DDX51: variants seen among roughly 807,000 people sequenced by gnomAD.
The protein encoded by DDX51 is DEAD-box helicase 51.
In DDX51, 67 loss-of-function variants were observed where a neutral mutation model predicts 74.6. The observed-to-expected ratio is 0.90, with a 90% confidence interval of 0.74 to 1.10. The LOEUF (loss-of-function observed/expected upper bound fraction) is 1.10. Among genes scored for constraint, DDX51 ranks in the 50% least tolerant of loss-of-function variants. The pLI, the probability that DDX51 is intolerant of heterozygous loss-of-function variation, is 0.00. For synonymous variants in DDX51, 545 were observed against 402.9 expected (o/e 1.35, Z -4.22); for missense variants, 1,056 against 905.2 (o/e 1.17, Z -2.14).
At chr12:132,142,496 T>A in intron 3 of DDX51, 74 bp from the exon 4 acceptor site, 1 of 1,562,072 alleles carries the variant, frequency 6.4e-7, no homozygotes. Flanking sequence ...GCCTGTGACC[T>A]CTGGGCTGGG....
At position 132,140,478 on chromosome 12, in the gene DDX51, C is replaced by G. The variant is rs544382267; in HGVS notation, c.1618G>C (p.Gly540Arg). The G allele has an allele frequency of 1.2e-6, 2 of 1,613,224 alleles. No individual in the cohort carries two copies. Among genetic ancestry groups the G allele is most frequent in the Non-Finnish European group, 1.7e-6 (2 of 1,180,028 alleles). The change falls in exon 11 of 15, where the codon GGG (glycine) becomes CGG (arginine). Residue 540 changes from glycine (G) to arginine (R), a missense_variant. Gly to Arg is a moderately radical substitution (Grantham distance 125, BLOSUM62 -2). Transcript: ENST00000397333. ...VDVAEFSSRY[G>R]PGQRRMILKQ... ...AGGATCATCCTCCTCTGGCCAGGCC[C>G]GTAGCGCGAGGAGAACTCAGCCACG...
chr12:132,143,663 C>G (rs1001199394), intron 2 of DDX51, 32 bp downstream of exon 2: 21 of 1,535,268 alleles, frequency 1.4e-5, no homozygotes, highest in Non-Finnish European at 1.7e-5. Context: ...TACCCTCTCA[C>G]GCCGACCACC....
chr12:132,143,777 T>G lies in DDX51; in HGVS notation c.437A>C (p.Asp146Ala). The G allele has an allele frequency of 6.6e-7, 1 of 1,521,406 alleles. No homozygotes were observed. The highest frequency in any genetic ancestry group is 1.2e-5 in the South Asian group (1 of 82,258). The allele number at this position is 1,521,406 out of a possible 1,614,324, so 94.2% of individuals were successfully genotyped here. A position where few individuals can be genotyped will look rare whatever the true frequency, so the allele number is the denominator to read the frequency against. ...STSASAEAAP[D>A]GPALEEAAGP... is the part of the protein sequence containing the mutation. Reference sequence around the variant, plus strand: ...GGCCGCCTCCTCCAGGGCCGGTCCATCTGGGGCCGCCTCGGCGCTGGCGCT... The same window carrying G: ...GGCCGCCTCCTCCAGGGCCGGTCCAGCTGGGGCCGCCTCGGCGCTGGCGCT... Residue 146 changes from aspartate (D) to alanine (A), a missense_variant, in exon 2 of 15, where the codon GAT (aspartate) becomes GCT (alanine). Asp to Ala is a moderately radical substitution (Grantham distance 126). Transcript: ENST00000397333.
intron 2 of DDX51, 103 bp downstream of exon 2, chr12:132,143,591 CG>C: frequency 7.0e-7 from 1 of 1,434,594 alleles, no homozygotes; most frequent in Non-Finnish European, 9.4e-7. Context: ...GGCTGTGACC[CG>C]GGAACATTCG....
Position 132,141,550 on chromosome 12 carries a change from A to T in DDX51, c.1052T>A (p.Val351Glu). 6.2e-7 allele frequency: 1 copy of T among 1,604,742 alleles called. No individual in the cohort carries two copies. The highest frequency in any genetic ancestry group is 8.5e-7 in the Non-Finnish European group (1 of 1,177,706). ...TCCTGGGGTCTGGTCGATGTGGTCC[A>T]CCAGGCGGCCGGGGGTGGCTACCAC... ...DIVVATPGRL[V>E]DHIDQTPGFS... is the part of the protein sequence containing the mutation. The change falls in exon 7 of 15, where the codon GTG (valine) becomes GAG (glutamate). Residue 351 changes from valine to glutamate, a missense_variant. Physicochemically the swap from Val to Glu is moderately radical, Grantham distance 121. Coordinates refer to ENST00000397333, the MANE Select transcript of DDX51 (RefSeq NM_175066.4).
chr12:132,139,424 C>G, intron 14 of DDX51, 126 bp from the exon 15 acceptor site: 2 of 1,527,672 alleles, frequency 1.3e-6, no homozygotes, highest in South Asian at 1.2e-5. Flanking sequence ...AGGCCCTGGC[C>G]CCGCTGACAG....
chr12:132,139,403 A>T lies in DDX51; in HGVS notation c.1975-105T>A. ...ACCCTGAGGACAGGAAGCCCTGTGCATGCAGAAACCAGGCCCTGGCCCCGC... is the reference window on the plus strand; with the variant it reads ...ACCCTGAGGACAGGAAGCCCTGTGCTTGCAGAAACCAGGCCCTGGCCCCGC... On this transcript the variant is annotated intron_variant, in intron 14 of 14. Coordinates refer to ENST00000397333, the MANE Select transcript of DDX51 (RefSeq NM_175066.4). 4 of 1,551,368 alleles carry T rather than the reference A, an allele frequency of 2.6e-6. No homozygotes were observed. In the South Asian group the frequency reaches 4.6e-5, roughly 18 times the overall value.
rs745980231 is a variant in DDX51 at position 132,139,624 on chromosome 12, G to C, written c.1974+11C>G. On this transcript the variant is annotated intron_variant, in intron 14 of 14. Coordinates refer to ENST00000397333, the MANE Select transcript of DDX51 (RefSeq NM_175066.4). ...CCCAGAGGGTTTCATGCCGGACTCT[G>C]GTGCCCTTACCTTGACAGACTCCTC... 8.1e-6 allele frequency: 13 copies of C among 1,613,120 alleles called. No homozygotes were observed. The South Asian group carries it at 1.3e-4, about 16-fold the overall frequency.
At position 132,144,255 on chromosome 12, in the gene DDX51, C is replaced by A; in HGVS notation, c.42G>T (p.Ala14=). 3.2e-6 allele frequency: 4 copies of A among 1,239,434 alleles called. No homozygotes were observed. Among genetic ancestry groups the A allele is most frequent in the Non-Finnish European group, 4.0e-6 (4 of 992,098 alleles). 76.8% of individuals were successfully genotyped at this position (1,239,434 alleles called of 1,614,324 possible). ...CGCCCTCCGGCCCCGCCGCAGCTGC[C>A]GCATCGGGGCCCGGGTACCGCGCGA... ...FYVARYPGPD[A]AAAAGPEGAE... is the part of the protein sequence containing the mutation. The change falls in exon 1 of 15, where the codon GCG becomes GCT. Residue 14 remains alanine, a synonymous_variant. Transcript: ENST00000397333.
intron 9 of DDX51, 29 bp from the exon 10 acceptor site, chr12:132,140,764 A>T (rs762594877): frequency 2.5e-6 from 4 of 1,612,736 alleles, no homozygotes; most frequent in Non-Finnish European, 8.5e-7. Context: ...GTCGGGGTGG[A>T]GGTGAGGGTT....
intron 6 of DDX51, 100 bp downstream of exon 6, chr12:132,141,750 G>T: frequency 6.8e-7 from 1 of 1,478,740 alleles, no homozygotes; most frequent in Non-Finnish European, 9.3e-7. Context: ...GGAACAGGTG[G>T]TTAAAGATGG....
In DDX51 at chr12:132,142,288, G is replaced by A; in HGVS notation, c.805C>T (p.Pro269Ser). The A allele has an allele frequency of 6.2e-7, 1 of 1,613,114 alleles. No homozygotes were observed. The highest frequency in any genetic ancestry group is 8.5e-7 in the Non-Finnish European group (1 of 1,179,986). ...GSGKTLAFVI[P>S]VVQALLSRVV... ...ACCCTCACACAGACCTGCACCACAG[G>A]GATGACGAAGGCCAGTGTCTTCCCA... is the stretch of plus-strand genomic sequence containing the variant. Residue 269 changes from proline (P) to serine (S), a missense_variant, in exon 4 of 15, where the codon CCT becomes TCT. Physicochemically the swap from Pro to Ser is moderately conservative, Grantham distance 74. Coordinates refer to ENST00000397333, the MANE Select transcript of DDX51 (RefSeq NM_175066.4).
At chr12:132,141,098 C>T (rs57037358) in intron 8 of DDX51, 78 bp from the exon 9 acceptor site, 331,987 of 1,520,590 alleles carry the variant, frequency 0.22, 43,576 homozygotes, top group African/African-American at 0.62. Context: ...CCTCATGCTA[C>T]GCACTGTAGA....
At chr12:132,142,098 C>A (rs765275784) in intron 5 of DDX51, 21 bp downstream of exon 5, 2 of 1,557,492 alleles carry the variant, frequency 1.3e-6, no homozygotes, top group African/African-American at 2.7e-5. Context: ...GTGCCACGCT[C>A]CAGGTCTAGG....
At chr12:132,140,289 T>TG in intron 11 of DDX51, 90 bp from the exon 12 acceptor site, 1 of 1,563,364 alleles carries the variant, frequency 6.4e-7, no homozygotes, top group African/African-American at 1.4e-5. Flanking sequence ...CAGGCCTTTC[T>TG]GGGAACTGGC....
rs748573775 is a variant in DDX51 at position 132,139,733 on chromosome 12, C to A, written c.1876G>T (p.Ala626Ser). 10 of 1,613,004 alleles carry A rather than the reference C, an allele frequency of 6.2e-6. No individual in the cohort carries two copies. In the Admixed American group the frequency reaches 8.3e-5, roughly 13 times the overall value. Reference sequence around the variant, plus strand: ...AGCTCGTGCCGCTGCAACTCAGGTGCCCCAGCTTCAGTTAGCATTCGGAGG... The same window carrying A: ...AGCTCGTGCCGCTGCAACTCAGGTGACCCAGCTTCAGTTAGCATTCGGAGG... ...RFLRMLTEAGAPELQRHELSS... is the reference protein window; with the variant it reads ...RFLRMLTEAGSPELQRHELSS... Residue 626 changes from alanine (A) to serine (S), a missense_variant, in exon 14 of 15, where the codon GCA becomes TCA. By Grantham distance (99) the Ala-to-Ser change is moderately conservative. Coordinates refer to ENST00000397333, the MANE Select transcript of DDX51 (RefSeq NM_175066.4).
intron 2 of DDX51, chr12:132,143,280 G>A (rs925384545): frequency 7.5e-6 from 3 of 402,208 alleles, no homozygotes; most frequent in South Asian, 2.4e-5. Context: ...TACCTAAGGT[G>A]CCCGAGCACT....
rs1306361125 is a variant in DDX51, at chr12:132,140,529, G to C, written c.1567C>G (p.Leu523Val). The C allele has an allele frequency of 6.2e-7, 1 of 1,612,920 alleles. No individual in the cohort carries two copies. The highest frequency in any genetic ancestry group is 1.3e-5 in the African/African-American group (1 of 74,954). The change falls in exon 11 of 15, where the codon CTG (leucine) becomes GTG (valine). Residue 523 changes from leucine (L) to valine (V), a missense_variant. Coordinates refer to ENST00000397333, the MANE Select transcript of DDX51 (RefSeq NM_175066.4). ...TCCACACCCCCAAAAGCTTGCACCAGCAGGAAGAGCCTAGGCAGAGAGAAG... is the reference window on the plus strand; with the variant it reads ...TCCACACCCCCAAAAGCTTGCACCACCAGGAAGAGCCTAGGCAGAGAGAAG... ...SRENSHRLFL[L>V]VQAFGGVDVA...
chr12:132,143,350 A>G lies in DDX51; in HGVS notation c.519+345T>C. On this transcript the variant is annotated intron_variant, in intron 2 of 14. Transcript: ENST00000397333. The stretch of plus-strand genomic sequence containing the variant: ...CGGAAATCTCTTTACCGAAAACCAC[A>G]CGTGCTAAGCAAAAACACCAACGGT... 11 of 469,900 alleles carry G rather than the reference A, an allele frequency of 2.3e-5. No individual in the cohort carries two copies. The South Asian group carries it at 2.8e-4, about 12-fold the overall frequency. The allele number at this position is 469,900 out of a possible 1,614,324, so 29.1% of individuals were successfully genotyped here.
Sources: gnomAD v4.1 joint callset for allele counts on GRCh38, gnomAD v4.1.1 for gene constraint, MANE v1.5 for transcripts, NCBI Gene and HGNC (gene_info 2026-07-23, HGNC 2026-07-21) for gene names.